The following BAX variants were observed in gnomAD, a reference collection of about 807,000 sequenced individuals.
The protein encoded by BAX is apoptosis regulator BAX.
A neutral mutation model predicts 26.8 loss-of-function variants in BAX; 21 were observed. The ratio of observed to expected loss-of-function variants is 0.78; its 90% CI spans 0.56 to 1.13. The LOEUF is 1.13. BAX is among the 50% of genes most tolerant of loss of function. The pLI, the probability that BAX is intolerant of heterozygous loss-of-function variation, is 0.00. For missense variants in BAX, 236 were observed against 254.6 expected, an observed-to-expected ratio of 0.93 and a Z score of 0.50; for synonymous variants, 110 against 101.8, an observed-to-expected ratio of 1.08 and a Z score of -0.49.
chr19:48,958,345 ATTTTTT>A (rs34043541), intron 4 of BAX, among the ~76,000 whole-genome samples: 14 of 64,478 alleles, frequency 2.2e-4, no homozygotes, highest in African/African-American at 8.2e-4. Flanking sequence ...TTTTTGGAAG[ATTTTTT>A]TTTTTTTTTT....
At position 48,958,541 on chromosome 19, in the gene BAX, TTTC is replaced by T. The variant is rs201666689; in HGVS notation, c.369+2211_369+2213del. ...AATGGGAGGGATATTTCTTTCTTTCTTTCTTTTTTTTTTTTCCTGAGACGGAGT... is the reference window on the plus strand; with the variant it reads ...AATGGGAGGGATATTTCTTTCTTTCTTTTTTTTTTTTTCCTGAGACGGAGT... On this transcript the variant is annotated intron_variant, in intron 4 of 5. Coordinates refer to ENST00000345358, the MANE Select transcript of BAX (RefSeq NM_138761.4). Among the ~76,000 whole-genome samples, 183 of 30,252 alleles carry T rather than the reference TTTC, an allele frequency of 6.0e-3. 1 individual carries two copies. The South Asian group carries it at 0.095, about 16-fold the overall frequency. 19.8% of individuals were successfully genotyped at this position (30,252 alleles called of 152,430 possible).
At chr19:48,957,092 A>T (rs1484661072) in intron 4 of BAX, among the ~76,000 whole-genome samples, 1 of 150,136 alleles carries the variant, frequency 6.7e-6, no homozygotes, top group African/African-American at 2.4e-5. Context: ...TGGTAGAGGG[A>T]ACAGCAAGTG....
chr19:48,960,216 C>T (rs770416222), intron 4 of BAX: 8 of 444,556 alleles, frequency 1.8e-5, no homozygotes, highest in South Asian at 4.8e-5. Flanking sequence ...TTTTTTGAGA[C>T]GGATTCTTGC....
Position 48,961,515 on chromosome 19 carries a change from G to T in BAX, c.475-17G>T, listed in dbSNP as rs1271231510. 3.1e-6 allele frequency: 5 copies of T among 1,590,774 alleles called. No homozygotes were observed. The highest frequency in any genetic ancestry group is 4.3e-6 in the Non-Finnish European group (5 of 1,166,004). ...CCCTGGCCGAGTCACTGAAGCGACTGATGTCCCTGTCTCCAGGACGGCCTC... is the reference window on the plus strand; with the variant it reads ...CCCTGGCCGAGTCACTGAAGCGACTTATGTCCCTGTCTCCAGGACGGCCTC... On this transcript the variant is annotated splice_polypyrimidine_tract_variant and intron_variant, in intron 5 of 5. Transcript: ENST00000345358.
At chr19:48,955,480 T>C (rs1001083041) in intron 1 of BAX, 68 bp from the exon 2 acceptor site, 7 of 1,523,528 alleles carry the variant, frequency 4.6e-6, no homozygotes, top group Admixed American at 2.0e-5. Flanking sequence ...GGGCCGTGAG[T>C]CTCCACAGTC....
At position 48,960,791 on chromosome 19, in the gene BAX, C is replaced by G. The variant is rs781625726; in HGVS notation, c.370-19C>G. 7 of 1,592,534 alleles carry G rather than the reference C, an allele frequency of 4.4e-6. No homozygotes were observed. The highest frequency in any genetic ancestry group is 6.0e-6 in the Non-Finnish European group (7 of 1,163,932). On this transcript the variant is annotated intron_variant, in intron 4 of 5. Transcript: ENST00000345358. Reference sequence around the variant, plus strand: ...TGGGGACAAGGTTCAGTCCCTAACGCCCACTCCACTCCCCACAGGCCCTGT... The same window carrying G: ...TGGGGACAAGGTTCAGTCCCTAACGGCCACTCCACTCCCCACAGGCCCTGT...
chr19:48,959,969 G>C (rs2038290740), intron 4 of BAX, among the ~76,000 whole-genome samples: 1 of 131,784 alleles, frequency 7.6e-6, no homozygotes. Flanking sequence ...CTCCATCCTG[G>C]GTGTCAGAGC....
Position 48,957,265 on chromosome 19 carries a change from C to CTTTTTTTTTTTTTTT in BAX, c.369+945_369+959dup, listed in dbSNP as rs61415800. 1.2e-3 allele frequency among the ~76,000 whole-genome samples: 64 copies of CTTTTTTTTTTTTTTT among 54,938 alleles called. 13 individuals are homozygous for CTTTTTTTTTTTTTTT. Among genetic ancestry groups the CTTTTTTTTTTTTTTT allele is most frequent in the East Asian group, 2.3e-3 (3 of 1,294 alleles). The allele number at this position is 54,938 out of a possible 152,430, so 36.0% of individuals were successfully genotyped here. On this transcript the variant is annotated intron_variant, in intron 4 of 5. Coordinates refer to ENST00000345358, the MANE Select transcript of BAX (RefSeq NM_138761.4). ...GGCTGCTGGAAAGACTTTTTCTTTT[C>CTTTTTTTTTTTTTTT]TTTTTTTTTTTTTTTTTTTTTTTTT...
chr19:48,961,199 G>C, intron 5 of BAX: 1 of 1,489,852 alleles, frequency 6.7e-7, no homozygotes, highest in South Asian at 1.3e-5. Context: ...AGCCTCCACT[G>C]CCTCTGGAAT....
chr19:48,956,819 C>CT (rs56251427), intron 4 of BAX, among the ~76,000 whole-genome samples: 20 of 87,384 alleles, frequency 2.3e-4, no homozygotes, highest in Admixed American at 2.9e-4. Flanking sequence ...TTATCCCTGG[C>CT]TTTTTTTTTT....
intron 4 of BAX, among the ~76,000 whole-genome samples, chr19:48,959,808 A>G (rs1221343198): frequency 2.0e-5 from 3 of 150,542 alleles, no homozygotes; most frequent in Admixed American, 6.6e-5. Flanking sequence ...CCTGGGCAAC[A>G]AGATCAAAAC....
intron 1 of BAX, chr19:48,955,303 T>G (rs1600100557): frequency 2.2e-6 from 1 of 450,170 alleles, no homozygotes; most frequent in South Asian, 6.3e-5. Flanking sequence ...AGGCCAGGGG[T>G]CTGGATGCAT....
In BAX at chr19:48,955,500, C is replaced by A. The variant is rs368357272; in HGVS notation, c.35-48C>A. The stretch of plus-strand genomic sequence containing the variant: ...GTGAGTCTCCACAGTCTCCTGATCC[C>A]CTAGAACCCAAGAGTCCAGGTACCT... On this transcript the variant is annotated intron_variant, in intron 1 of 5. Transcript: ENST00000345358. The A allele has an allele frequency of 1.6e-5, 25 of 1,589,252 alleles. 1 individual carries two copies. In the African/African-American group the frequency reaches 2.0e-4, roughly 13 times the overall value.
At chr19:48,958,949 CG>C (rs1287528649) in intron 4 of BAX, among the ~76,000 whole-genome samples, 1 of 152,058 alleles carries the variant, frequency 6.6e-6, no homozygotes, top group Non-Finnish European at 1.5e-5. Flanking sequence ...ACCTACAGAG[CG>C]GGGATGATAG....
At chr19:48,957,992 G>T (rs756974030) in intron 4 of BAX, among the ~76,000 whole-genome samples, 7 of 152,138 alleles carry the variant, frequency 4.6e-5, no homozygotes, top group Non-Finnish European at 1.0e-4. Context: ...AAGAGATCAT[G>T]AGGCACAAGG....
chr19:48,959,704 T>C (rs1331765710), intron 4 of BAX, among the ~76,000 whole-genome samples: 1 of 149,216 alleles, frequency 6.7e-6, no homozygotes, highest in Non-Finnish European at 1.5e-5. Flanking sequence ...CGGATGCCTG[T>C]AATACCAGCT....
At chr19:48,956,433 C>A in intron 4 of BAX, 100 bp downstream of exon 4, 1 of 1,323,208 alleles carries the variant, frequency 7.6e-7, no homozygotes, top group Non-Finnish European at 1.0e-6. Flanking sequence ...CCAGTGACCA[C>A]AGAGGGCATG....
intron 4 of BAX, among the ~76,000 whole-genome samples, chr19:48,958,067 G>C (rs1467683207): frequency 6.7e-6 from 1 of 148,558 alleles, no homozygotes; most frequent in Non-Finnish European, 1.5e-5. Flanking sequence ...ACAAGCCCTG[G>C]TGGTAGCAGC....
intron 4 of BAX, among the ~76,000 whole-genome samples, chr19:48,959,845 T>C (rs2038285991): frequency 6.8e-6 from 1 of 146,996 alleles, no homozygotes; most frequent in Non-Finnish European, 1.5e-5. Context: ...AAAAAAAAAT[T>C]AGCCAGGCAT....
Sources: allele counts gnomAD v4.1 joint callset (sites outside exome capture counted in the v4.1 genomes callset), GRCh38; gene constraint gnomAD v4.1.1; transcripts MANE v1.5; gene names NCBI Gene and HGNC (gene_info 2026-07-23, HGNC 2026-07-21).